POLR1F: variants seen among roughly 807,000 people sequenced by gnomAD.
The protein encoded by POLR1F is RNA polymerase I subunit F.
POLR1F carries 23 observed loss-of-function variants against 21.8 expected under a neutral mutation model. The ratio of observed to expected loss-of-function variants is 1.05; its 90% CI spans 0.76 to 1.49. The LOEUF (loss-of-function observed/expected upper bound fraction) is 1.49, where lower values mean the gene tolerates loss of function less well. Among genes scored for constraint, POLR1F ranks in the 40% most tolerant of loss-of-function variants. The probability of loss-of-function intolerance (pLI) is 0.00; values close to 1 mark genes in which losing one functional copy is unlikely to be tolerated. For missense variants in POLR1F, 435 were observed against 412.1 expected (o/e 1.06, Z -0.48); for synonymous variants, 162 against 152.8 (o/e 1.06, Z -0.45).
intron 1 of POLR1F, 114 bp downstream of exon 1, chr7:19,708,649 A>C: frequency 6.9e-7 from 1 of 1,443,294 alleles, no homozygotes; most frequent in Non-Finnish European, 9.4e-7. Flanking sequence ...CAGGGGGCTA[A>C]GCTCTGGGGG....
intron 3 of POLR1F, among the ~76,000 whole-genome samples, chr7:19,698,939 A>G (rs1783413378): frequency 6.6e-6 from 1 of 152,116 alleles, no homozygotes; most frequent in African/African-American, 2.4e-5. Flanking sequence ...GAAAAATGTT[A>G]AATTTAACAT....
rs762482453 is a variant in POLR1F, at chr7:19,708,998, C to G, written c.19G>C (p.Glu7Gln). The G allele has an allele frequency of 1.9e-6, 3 of 1,590,470 alleles. No homozygotes were observed. The South Asian group carries it at 3.3e-5, about 18-fold the overall frequency. ...GAAGCCGCCGCTGGCCGCGGCGCCT[C>G]TGAGCAACCTGCAGCCATGCTGCTT... is the stretch of plus-strand genomic sequence containing the variant. MAAGCS[E>Q]APRPAAASDG... The change falls in exon 1 of 4, where the codon GAG becomes CAG. Residue 7 changes from glutamate (E) to glutamine (Q), a missense_variant. By Grantham distance (29) the Glu-to-Gln change is conservative. Coordinates refer to ENST00000222567, the MANE Select transcript of POLR1F (RefSeq NM_001002926.2).
At chr7:19,699,223 A>C (rs1485284386) in intron 3 of POLR1F, among the ~76,000 whole-genome samples, 1 of 152,148 alleles carries the variant, frequency 6.6e-6, no homozygotes, top group East Asian at 1.9e-4. Context: ...TACTTAGCTG[A>C]TACTAAGATA....
rs753555138 is a variant in POLR1F at position 19,698,281 on chromosome 7, C to T, written c.*35G>A. 2.2e-5 allele frequency: 34 copies of T among 1,516,966 alleles called. No individual in the cohort carries two copies. Among genetic ancestry groups the T allele is most frequent in the Non-Finnish European group, 2.8e-5 (32 of 1,137,622 alleles). The allele number at this position is 1,516,966 out of a possible 1,614,324, so 94.0% of individuals were successfully genotyped here. ...ATTTATTCATCTATTGTATGTAGAT[C>T]GATCTTTTAAAAACTGAATCGTGTT... is the stretch of plus-strand genomic sequence containing the variant. On this transcript the variant is annotated 3_prime_UTR_variant, in exon 4 of 4. Coordinates refer to ENST00000222567, the MANE Select transcript of POLR1F (RefSeq NM_001002926.2).
intron 2 of POLR1F, among the ~76,000 whole-genome samples, chr7:19,703,553 A>T (rs1783472242): frequency 1.3e-5 from 2 of 152,184 alleles, no homozygotes; most frequent in Admixed American, 1.3e-4. Flanking sequence ...CTTTTTCTAC[A>T]ATCTGTTATT....
intron 3 of POLR1F, among the ~76,000 whole-genome samples, 160 bp downstream of exon 3, chr7:19,699,912 T>C (rs1783427539): frequency 6.6e-6 from 1 of 152,210 alleles, no homozygotes; most frequent in South Asian, 2.1e-4. Context: ...CTTAAGAGTA[T>C]TGTTTATATT....
intron 2 of POLR1F, among the ~76,000 whole-genome samples, chr7:19,703,419 TTA>T (rs1431701091): frequency 1.3e-5 from 2 of 152,324 alleles, no homozygotes; most frequent in African/African-American, 4.8e-5. Flanking sequence ...GTGCATTTTA[TTA>T]TATGTAAATT....
intron 1 of POLR1F, among the ~76,000 whole-genome samples, chr7:19,707,787 T>A (rs1783550932): frequency 6.6e-6 from 1 of 152,184 alleles, no homozygotes; most frequent in African/African-American, 2.4e-5. Flanking sequence ...TTTTTGTATC[T>A]CAAGTGTTCG....
chr7:19,699,186 C>A (rs1224333500), intron 3 of POLR1F, among the ~76,000 whole-genome samples: 1 of 152,116 alleles, frequency 6.6e-6, no homozygotes, highest in Non-Finnish European at 1.5e-5. Context: ...CTATTTTAAT[C>A]TTGTTTCAAA....
Position 19,704,814 on chromosome 7 carries a change from C to G in POLR1F, c.361G>C (p.Val121Leu). Reference protein sequence around the residue: ...HIHLNIEADFVIFCPEPGQKL... With the variant: ...HIHLNIEADFLIFCPEPGQKL... ...TGCCCTGGTTCAGGGCAGAAAATAACAAAATCGGCTTCAATGTTAAGATGA... is the reference window on the plus strand; with the variant it reads ...TGCCCTGGTTCAGGGCAGAAAATAAGAAAATCGGCTTCAATGTTAAGATGA... Residue 121 changes from valine to leucine, a missense_variant, in exon 2 of 4, where the codon GTT (valine) becomes CTT (leucine). Val to Leu is a conservative substitution (Grantham distance 32). Coordinates refer to ENST00000222567, the MANE Select transcript of POLR1F (RefSeq NM_001002926.2). 1.2e-6 allele frequency: 2 copies of G among 1,606,936 alleles called. No homozygotes were observed. Among genetic ancestry groups the G allele is most frequent in the Non-Finnish European group, 1.7e-6 (2 of 1,177,896 alleles).
In POLR1F at chr7:19,704,897, T is replaced by C. The variant is rs2128006908; in HGVS notation, c.278A>G (p.Tyr93Cys). ...CTCTCCCACAACTTTGATGTTATCA[T>C]ATGCAATAGGGACACCTAAAAGGCT... ...SESLLGVPIAYDNIKVVGELG... is the reference protein window; with the variant it reads ...SESLLGVPIACDNIKVVGELG... Residue 93 changes from tyrosine to cysteine, a missense_variant, in exon 2 of 4, where the codon TAT (tyrosine) becomes TGT (cysteine). Transcript: ENST00000222567. 6.2e-7 allele frequency: 1 copy of C among 1,600,204 alleles called. No individual in the cohort carries two copies. Among genetic ancestry groups the C allele is most frequent in the Non-Finnish European group, 8.5e-7 (1 of 1,175,776 alleles).
At chr7:19,707,139 G>A (rs1318608343) in intron 1 of POLR1F, among the ~76,000 whole-genome samples, 5 of 151,998 alleles carry the variant, frequency 3.3e-5, no homozygotes, top group African/African-American at 1.2e-4. Flanking sequence ...TTTTCTCTTG[G>A]ACAATTATAA....
At chr7:19,700,709 A>G (rs1783437403) in intron 2 of POLR1F, among the ~76,000 whole-genome samples, 1 of 152,228 alleles carries the variant, frequency 6.6e-6, no homozygotes, top group Non-Finnish European at 1.5e-5. Context: ...TATGCGTTTT[A>G]TAACTGGGAT....
chr7:19,698,478 C>G lies in POLR1F; in HGVS notation c.855G>C (p.Gln285His). The G allele has an allele frequency of 6.2e-7, 1 of 1,612,068 alleles. No individual in the cohort carries two copies. Among genetic ancestry groups the G allele is most frequent in the Non-Finnish European group, 8.5e-7 (1 of 1,179,530 alleles). Residue 285 changes from glutamine to histidine, a missense_variant, in exon 4 of 4, where the codon CAG becomes CAC. Gln to His is a conservative substitution (Grantham distance 24). Coordinates refer to ENST00000222567, the MANE Select transcript of POLR1F (RefSeq NM_001002926.2). Reference sequence around the variant, plus strand: ...AAACAGGGTCCTGGTCCTGAACTTCCTGGTGCTTTTTCTTCTTCTTCTTTT... The same window carrying G: ...AAACAGGGTCCTGGTCCTGAACTTCGTGGTGCTTTTTCTTCTTCTTCTTTT... The part of the protein sequence containing the change: ...PKKKKKKKKH[Q>H]EVQDQDPVFQ...
intron 2 of POLR1F, among the ~76,000 whole-genome samples, chr7:19,700,643 ACT>A (rs1225227476): frequency 6.6e-6 from 1 of 152,170 alleles, no homozygotes; most frequent in Admixed American, 6.5e-5. Flanking sequence ...GGACAGTATT[ACT>A]CTTTAGCTAC....
At chr7:19,707,379 C>G (rs1368686374) in intron 1 of POLR1F, among the ~76,000 whole-genome samples, 1 of 152,120 alleles carries the variant, frequency 6.6e-6, no homozygotes, top group Non-Finnish European at 1.5e-5. Context: ...CCCCACCTTA[C>G]CCCCAAAATA....
chr7:19,704,568 A>T (rs574479259), intron 2 of POLR1F, among the ~76,000 whole-genome samples: 1 of 152,236 alleles, frequency 6.6e-6, no homozygotes, highest in Non-Finnish European at 1.5e-5. Context: ...TGGATGGGAC[A>T]TATATCGTGT....
At chr7:19,708,059 C>A (rs534537656) in intron 1 of POLR1F, among the ~76,000 whole-genome samples, 2 of 152,228 alleles carry the variant, frequency 1.3e-5, no homozygotes, top group East Asian at 1.9e-4. Flanking sequence ...CCGCCCCACA[C>A]CTCTGTAATT....
In POLR1F at chr7:19,695,730, T is replaced by A. The variant is rs1285352713; in HGVS notation, c.*2586A>T. 1 of 152,106 alleles carries A rather than the reference T, an allele frequency of 6.6e-6. No individual in the cohort carries two copies. Among genetic ancestry groups the A allele is most frequent in the Non-Finnish European group, 1.5e-5 (1 of 67,962 alleles). 9.4% of individuals were successfully genotyped at this position (152,106 alleles called of 1,614,324 possible). A position where few individuals can be genotyped will look rare whatever the true frequency, so the allele number is the denominator to read the frequency against. On this transcript the variant is annotated 3_prime_UTR_variant, in exon 4 of 4. Coordinates refer to ENST00000222567, the MANE Select transcript of POLR1F (RefSeq NM_001002926.2). ...TATGAAGCATGCACATTTAGCCTTG[T>A]CTGGAAAAAGTTTATGCGAAGGTGG...
Sources: gnomAD v4.1 joint callset for allele counts (sites outside exome capture counted in the v4.1 genomes callset) on GRCh38, gnomAD v4.1.1 for gene constraint, MANE v1.5 for transcripts, NCBI Gene and HGNC (gene_info 2026-07-23, HGNC 2026-07-21) for gene names.